Variants in JPH3 observed in about 807,000 individuals in gnomAD.
JPH3 encodes junctophilin 3.
A neutral mutation model predicts 59.6 loss-of-function variants in JPH3; 11 were observed. The observed-to-expected ratio is 0.18, with a 90% CI of 0.12 to 0.31. JPH3 has a LOEUF of 0.31. Ranked by LOEUF, JPH3 falls within the 10% of genes least tolerant of loss-of-function variation. JPH3 has a pLI of 1.00. For missense variants in JPH3, 1,202 were observed against 1,105.7 expected, an observed-to-expected ratio of 1.09 and a Z score of -1.24; for synonymous variants, 673 against 483.6, an observed-to-expected ratio of 1.39 and a Z score of -5.14.
intron 1 of JPH3, among the ~76,000 whole-genome samples, chr16:87,617,432 C>T (rs766930730): frequency 6.6e-6 from 1 of 152,076 alleles, no homozygotes; most frequent in Non-Finnish European, 1.5e-5. Flanking sequence ...GATGTCTTCG[C>T]TTTCCCCCAG....
intron 1 of JPH3, among the ~76,000 whole-genome samples, chr16:87,622,200 T>C (rs1196160112): frequency 6.6e-6 from 1 of 152,168 alleles, no homozygotes; most frequent in East Asian, 1.9e-4. Flanking sequence ...GCTGCCTGCC[T>C]TCCGAGGCCT....
At chr16:87,667,305 G>A (rs1567607005) in intron 2 of JPH3, among the ~76,000 whole-genome samples, 2 of 152,322 alleles carry the variant, frequency 1.3e-5, no homozygotes, top group South Asian at 2.1e-4. Flanking sequence ...TGCTTTTCCC[G>A]ACGTGAATGG....
chr16:87,637,422 T>TTGTGTGTGTG (rs35239550), intron 1 of JPH3, among the ~76,000 whole-genome samples: 2,353 of 147,566 alleles, frequency 0.016, 61 homozygotes, highest in African/African-American at 0.056. Flanking sequence ...GTGTGTGTGT[T>TTGTGTGTGTG]TGTGTGTGTG....
intron 2 of JPH3, among the ~76,000 whole-genome samples, chr16:87,670,492 C>T (rs1021575135): frequency 5.3e-5 from 8 of 152,206 alleles, no homozygotes; most frequent in African/African-American, 1.4e-4. Flanking sequence ...CGGGACAGGA[C>T]CTGTCCCTGT....
chr16:87,667,310 G>C (rs1245141969), intron 2 of JPH3, among the ~76,000 whole-genome samples: 1 of 152,224 alleles, frequency 6.6e-6, no homozygotes, highest in Non-Finnish European at 1.5e-5. Context: ...TTCCCGACGT[G>C]AATGGAATAT....
chr16:87,641,168 C>T (rs968882671), intron 1 of JPH3, among the ~76,000 whole-genome samples: 3 of 152,252 alleles, frequency 2.0e-5, no homozygotes, highest in Admixed American at 2.0e-4. Flanking sequence ...GGCTGACACT[C>T]TGGAAAGGTG....
intron 2 of JPH3, among the ~76,000 whole-genome samples, chr16:87,664,056 G>A (rs533730742): frequency 1.3e-5 from 2 of 152,236 alleles, no homozygotes; most frequent in Non-Finnish European, 2.9e-5. Flanking sequence ...GGCCAGCTGG[G>A]CGCGGTGGCT....
At chr16:87,637,281 G>A (rs79120162) in intron 1 of JPH3, among the ~76,000 whole-genome samples, 3,336 of 152,184 alleles carry the variant, frequency 0.022, 141 homozygotes, top group African/African-American at 0.077. Context: ...AGCTCTATCA[G>A]GTTGCAGGCC....
intron 2 of JPH3, among the ~76,000 whole-genome samples, chr16:87,652,557 G>A (rs539652992): frequency 2.0e-5 from 3 of 152,332 alleles, no homozygotes; most frequent in African/African-American, 7.2e-5. Flanking sequence ...TTCACGTCCC[G>A]GGCTCAAGTG....
chr16:87,696,006 G>A (rs966467159), intron 4 of JPH3: 5 of 455,944 alleles, frequency 1.1e-5, no homozygotes, highest in Non-Finnish European at 2.2e-5. Flanking sequence ...GCTCGCAATT[G>A]GACACAGTCC....
At chr16:87,671,200 C>G (rs1022917411) in intron 2 of JPH3, among the ~76,000 whole-genome samples, 1 of 152,188 alleles carries the variant, frequency 6.6e-6, no homozygotes, top group Non-Finnish European at 1.5e-5. Context: ...TGCACAGACA[C>G]GTCTCTCTGT....
At chr16:87,651,610 T>C (rs4843653) in intron 2 of JPH3, among the ~76,000 whole-genome samples, 75,208 of 152,146 alleles carry the variant, frequency 0.49, 19,943 homozygotes, top group African/African-American at 0.69. Context: ...GGACTGCAGA[T>C]GTGGTGGAAA....
intron 1 of JPH3, among the ~76,000 whole-genome samples, chr16:87,603,818 C>T (rs909199200): frequency 2.0e-5 from 3 of 152,226 alleles, no homozygotes; most frequent in African/African-American, 7.2e-5. Context: ...GGCCGGAGAC[C>T]TGCGGGAAGG....
intron 2 of JPH3, among the ~76,000 whole-genome samples, chr16:87,655,778 A>T (rs772401347): frequency 1.3e-5 from 2 of 152,206 alleles, no homozygotes; most frequent in African/African-American, 4.8e-5. Context: ...CGTGTGGGGA[A>T]CCAGTCTGGC....
chr16:87,666,304 G>C (rs763239859), intron 2 of JPH3, among the ~76,000 whole-genome samples: 1 of 151,668 alleles, frequency 6.6e-6, no homozygotes, highest in Non-Finnish European at 1.5e-5. Context: ...GGTCAGGCTG[G>C]TCTAGAACTC....
intron 2 of JPH3, among the ~76,000 whole-genome samples, chr16:87,652,207 C>T (rs1032218830): frequency 6.6e-6 from 1 of 152,114 alleles, no homozygotes; most frequent in African/African-American, 2.4e-5. Flanking sequence ...GATCTCCTGA[C>T]CTCGAGATCC....
intron 2 of JPH3, among the ~76,000 whole-genome samples, chr16:87,665,147 T>C (rs2150862427): frequency 6.6e-6 from 1 of 152,168 alleles, no homozygotes; most frequent in Admixed American, 6.5e-5. Flanking sequence ...ATGGGGGAGA[T>C]CACTGGCCTG....
intron 1 of JPH3, among the ~76,000 whole-genome samples, chr16:87,635,960 G>A (rs540709147): frequency 2.3e-4 from 35 of 152,354 alleles, no homozygotes; most frequent in African/African-American, 8.4e-4. Context: ...GTCTTCCGGG[G>A]CCCCAGGGCC....
chr16:87,644,172 C>G (rs1014495841), intron 1 of JPH3, 86 bp from the exon 2 acceptor site: 16 of 1,361,452 alleles, frequency 1.2e-5, no homozygotes, highest in Middle Eastern at 1.9e-4. Flanking sequence ...TCAGACAGGA[C>G]TGTGGCTGCT....
Sources: gnomAD v4.1 joint callset for allele counts (sites outside exome capture counted in the v4.1 genomes callset) on GRCh38, gnomAD v4.1.1 for gene constraint, MANE v1.5 for transcripts, NCBI Gene and HGNC (gene_info 2026-07-23, HGNC 2026-07-21) for gene names.